FAM210A: variants seen among roughly 807,000 people sequenced by gnomAD.
FAM210A encodes family with sequence similarity 210 member A.
In FAM210A, 13 loss-of-function variants were observed where a neutral mutation model predicts 25.3. The ratio of observed to expected loss-of-function variants is 0.51; its 90% confidence interval spans 0.33 to 0.82. FAM210A has a LOEUF of 0.82. Among genes scored for constraint, FAM210A ranks in the 40% least tolerant of loss-of-function variants. FAM210A has a pLI of 0.02. For missense variants in FAM210A, 319 were observed against 323.2 expected (o/e 0.99, Z 0.10); for synonymous variants, 125 against 118.7 (o/e 1.05, Z -0.35).
At chr18:13,715,927 A>G (rs2149070395) in intron 1 of FAM210A, among the ~76,000 whole-genome samples, 1 of 152,306 alleles carries the variant, frequency 6.6e-6, no homozygotes, top group East Asian at 1.9e-4. Context: ...TACCTGAAAC[A>G]ATTTAGAGCA....
chr18:13,683,357 A>C (rs779003712), intron 1 of FAM210A, among the ~76,000 whole-genome samples: 1 of 152,128 alleles, frequency 6.6e-6, no homozygotes, highest in Non-Finnish European at 1.5e-5. Context: ...AGAGAAAAAA[A>C]GTGTAGAGTG....
chr18:13,718,138 A>G (rs1568490189), intron 1 of FAM210A, among the ~76,000 whole-genome samples: 1 of 152,078 alleles, frequency 6.6e-6, no homozygotes, highest in African/African-American at 2.4e-5. Flanking sequence ...ATGTGCCCAT[A>G]CTCCTGACCC....
At chr18:13,720,234 T>C (rs1379569853) in intron 1 of FAM210A, among the ~76,000 whole-genome samples, 1 of 152,174 alleles carries the variant, frequency 6.6e-6, no homozygotes, top group Non-Finnish European at 1.5e-5. Flanking sequence ...CCTAACAGCA[T>C]TTCAATCTGC....
At chr18:13,701,508 G>C (rs181450234) in intron 1 of FAM210A, among the ~76,000 whole-genome samples, 27 of 152,096 alleles carry the variant, frequency 1.8e-4, no homozygotes, top group Non-Finnish European at 3.5e-4. Context: ...CATTTTTCTT[G>C]TGTGTTTAAG....
At chr18:13,703,132 C>T (rs1055261751) in intron 1 of FAM210A, among the ~76,000 whole-genome samples, 5 of 152,180 alleles carry the variant, frequency 3.3e-5, no homozygotes, top group Admixed American at 6.5e-5. Flanking sequence ...ACATCTAAGG[C>T]TCTGTACTGT....
At chr18:13,724,831 CGG>C (rs2043922168) in intron 1 of FAM210A, among the ~76,000 whole-genome samples, 1 of 152,108 alleles carries the variant, frequency 6.6e-6, no homozygotes, top group Admixed American at 6.5e-5. Context: ...TAGAGTGCAA[CGG>C]CGCAATCTCG....
intron 1 of FAM210A, among the ~76,000 whole-genome samples, chr18:13,690,934 C>T (rs373731690): frequency 2.0e-5 from 3 of 152,100 alleles, no homozygotes; most frequent in African/African-American, 4.8e-5. Flanking sequence ...AGGCTTCAGA[C>T]GATCGGTAAT....
intron 1 of FAM210A, among the ~76,000 whole-genome samples, chr18:13,721,484 A>G (rs1182511641): frequency 1.3e-5 from 2 of 152,282 alleles, no homozygotes; most frequent in South Asian, 2.1e-4. Flanking sequence ...TCACCCCTGC[A>G]TCCTTAAGTG....
intron 2 of FAM210A, among the ~76,000 whole-genome samples, chr18:13,674,463 A>T (rs1230869032): frequency 1.4e-4 from 1 of 7,006 alleles, no homozygotes. Flanking sequence ...CTTGATTTCC[A>T]GTTTCCTGAT....
chr18:13,709,323 G>A (rs1158696959), intron 1 of FAM210A, among the ~76,000 whole-genome samples: 1 of 152,156 alleles, frequency 6.6e-6, no homozygotes, highest in Non-Finnish European at 1.5e-5. Context: ...ATCTCTCTCA[G>A]TGTTCTTGCT....
intron 1 of FAM210A, among the ~76,000 whole-genome samples, chr18:13,716,400 GT>G (rs1049899444): frequency 5.9e-5 from 9 of 152,160 alleles, no homozygotes; most frequent in African/African-American, 2.2e-4. Flanking sequence ...CTGGCTGACT[GT>G]TATTGGTCCA....
chr18:13,668,125 T>C (rs532841405), intron 3 of FAM210A, among the ~76,000 whole-genome samples: 20 of 152,356 alleles, frequency 1.3e-4, no homozygotes, highest in Non-Finnish European at 2.4e-4. Flanking sequence ...CTGTCTGCTC[T>C]ATCTCTAATT....
chr18:13,715,190 T>G (rs2043850926), intron 1 of FAM210A: 1 of 152,146 alleles, frequency 6.6e-6, no homozygotes, highest in South Asian at 2.1e-4. Context: ...TTTGACCTGC[T>G]CAGTTTCTAG....
At chr18:13,701,908 G>C (rs2043743259) in intron 1 of FAM210A, among the ~76,000 whole-genome samples, 2 of 152,216 alleles carry the variant, frequency 1.3e-5, no homozygotes, top group African/African-American at 4.8e-5. Context: ...TGTCAGTAAA[G>C]TCTCTCTTGG....
Position 13,681,877 on chromosome 18 carries a change from T to G in FAM210A, c.201A>C (p.Glu67Asp), listed in dbSNP as rs145075680. The G allele has an allele frequency of 1.6e-4, 253 of 1,614,212 alleles. 1 individual carries two copies. In the African/African-American group the frequency reaches 2.9e-3, roughly 19 times the overall value. The change falls in exon 2 of 4, where the codon GAA (glutamate) becomes GAC (aspartate). Residue 67 changes from glutamate (E) to aspartate (D), a missense_variant. Coordinates refer to ENST00000651643, the MANE Select transcript of FAM210A (RefSeq NM_152352.4). ...HLSAAQCVAKERRPLDAHPPQ... is the reference protein window; with the variant it reads ...HLSAAQCVAKDRRPLDAHPPQ... ...GTGGATGAGCATCCAATGGCCTCCT[T>G]TCCTTTGCAACACACTGGGCAGCAG... is the stretch of plus-strand genomic sequence containing the variant.
At chr18:13,707,421 T>A (rs1047180946) in intron 1 of FAM210A, among the ~76,000 whole-genome samples, 2 of 152,248 alleles carry the variant, frequency 1.3e-5, no homozygotes, top group African/African-American at 4.8e-5. Flanking sequence ...GTTTTGTTTT[T>A]CTCCTATAAA....
chr18:13,683,250 C>T (rs768571295), intron 1 of FAM210A, among the ~76,000 whole-genome samples: 5 of 152,124 alleles, frequency 3.3e-5, no homozygotes, highest in East Asian at 3.8e-4. Context: ...ATAATGCCTT[C>T]GGACTAAGTT....
rs1042583768 is a variant in FAM210A, at chr18:13,701,992, C to A, written c.-28-19887G>T. On this transcript the variant is annotated intron_variant, in intron 1 of 3. Transcript: ENST00000651643. ...ACCTTGCCAGTTCGATAATTTGGCG[C>A]CCCCATGCAGCTGGTTGGGCAGCAA... 2.0e-5 allele frequency among the ~76,000 whole-genome samples: 3 copies of A among 152,200 alleles called. No individual in the cohort carries two copies. In the East Asian group the frequency reaches 5.8e-4, roughly 29 times the overall value.
At chr18:13,687,561 A>C (rs976754953) in intron 1 of FAM210A, among the ~76,000 whole-genome samples, 7 of 152,194 alleles carry the variant, frequency 4.6e-5, no homozygotes, top group African/African-American at 1.4e-4. Flanking sequence ...AAGGGAAAAA[A>C]GCCTCAGATG....
Sources: gnomAD v4.1 joint callset for allele counts (sites outside exome capture counted in the v4.1 genomes callset) on GRCh38, gnomAD v4.1.1 for gene constraint, MANE v1.5 for transcripts, NCBI Gene and HGNC (gene_info 2026-07-23, HGNC 2026-07-21) for gene names.